PSD3: variants seen among roughly 807,000 people sequenced by gnomAD.
PSD3 encodes pleckstrin and Sec7 domain containing 3, also known as PH and SEC7 domain-containing protein 3.
Under a neutral mutation model 105.5 loss-of-function variants are expected in PSD3, and 49 were observed. The observed-to-expected ratio is 0.46, with a 90% CI of 0.37 to 0.59. The LOEUF (loss-of-function observed/expected upper bound fraction) is 0.59, where lower values mean the gene tolerates loss of function less well. Among genes scored for constraint, PSD3 ranks in the 20% least tolerant of loss-of-function variants. The probability of loss-of-function intolerance (pLI) is 0.00; values close to 1 mark genes in which losing one functional copy is unlikely to be tolerated. For synonymous variants in PSD3, 557 were observed against 457.8 expected (o/e 1.22, Z -2.77); for missense variants, 1,561 against 1,263.8 (o/e 1.24, Z -3.57).
chr8:18,663,951 T>C (rs1354200147), intron 9 of PSD3, among the ~76,000 whole-genome samples: 2 of 152,234 alleles, frequency 1.3e-5, no homozygotes, highest in African/African-American at 2.4e-5. Flanking sequence ...TTATTATATT[T>C]GCTATGGTAA....
intron 15 of PSD3, among the ~76,000 whole-genome samples, chr8:18,551,689 A>C (rs367649073): frequency 6.6e-6 from 1 of 152,206 alleles, no homozygotes; most frequent in South Asian, 2.1e-4. Context: ...TATTCAGCTG[A>C]ATTCAAGCCC....
At chr8:18,742,828 T>C (rs916470266) in intron 9 of PSD3, among the ~76,000 whole-genome samples, 7 of 152,186 alleles carry the variant, frequency 4.6e-5, no homozygotes, top group Admixed American at 2.6e-4. Flanking sequence ...TACCCATCCT[T>C]ACCTAGGTTA....
chr8:18,838,247 G>C lies in PSD3; in HGVS notation c.1634+29427C>G, dbSNP rs532628163. On this transcript the variant is annotated intron_variant, in intron 4 of 15. Coordinates refer to ENST00000327040, the MANE Select transcript of PSD3 (RefSeq NM_015310.4). ...CTTCAGTTCTGATTTCATGTAGAGC[G>C]ATGGCTTTATGTGATCAAGAAACAT... 1.2e-4 allele frequency among the ~76,000 whole-genome samples: 19 copies of C among 152,134 alleles called. 1 individual carries two copies. Among genetic ancestry groups the C allele is most frequent in the Non-Finnish European group, 2.9e-5 (2 of 68,040 alleles).
chr8:18,738,990 G>A (rs1270715823), intron 9 of PSD3, among the ~76,000 whole-genome samples: 1 of 151,912 alleles, frequency 6.6e-6, no homozygotes, highest in African/African-American at 2.4e-5. Context: ...AAGAACCTTC[G>A]GCTCTTAGGT....
intron 13 of PSD3, among the ~76,000 whole-genome samples, chr8:18,573,537 A>G (rs1802278782): frequency 6.7e-6 from 1 of 148,518 alleles, no homozygotes. Flanking sequence ...TTCCTGAGTC[A>G]AAAAAGGGAA....
rs1345423514 is a variant in PSD3 at position 18,949,244 on chromosome 8, A to AAATAT, written c.22-13103_22-13102insATATT. 3.1e-3 allele frequency among the ~76,000 whole-genome samples: 45 copies of AAATAT among 14,408 alleles called. 3 individuals carry two copies. The highest frequency in any genetic ancestry group is 4.3e-3 in the Non-Finnish European group (24 of 5,542). 9.5% of individuals were successfully genotyped at this position (14,408 alleles called of 152,430 possible). On this transcript the variant is annotated intron_variant, in intron 1 of 15. Coordinates refer to ENST00000327040, the MANE Select transcript of PSD3 (RefSeq NM_015310.4). ...CTCAAAAAAAAAAAAAAAAAAAAAA[A>AAATAT]ATATATATATATATATATATATATA...
chr8:18,776,858 G>C (rs1453424259), intron 8 of PSD3, among the ~76,000 whole-genome samples: 1 of 152,046 alleles, frequency 6.6e-6, no homozygotes, highest in East Asian at 1.9e-4. Flanking sequence ...TTGGTAGTTT[G>C]TATGTTTCTA....
chr8:18,702,647 C>G (rs886824628), intron 9 of PSD3, among the ~76,000 whole-genome samples: 2 of 151,786 alleles, frequency 1.3e-5, no homozygotes, highest in African/African-American at 4.9e-5. Flanking sequence ...GAATCTCGCT[C>G]TGTTGCCCAG....
intron 14 of PSD3, among the ~76,000 whole-genome samples, chr8:18,563,109 AG>A (rs1801502945): frequency 6.6e-6 from 1 of 152,216 alleles, no homozygotes; most frequent in Non-Finnish European, 1.5e-5. Flanking sequence ...AAGGCAAAAA[AG>A]GTCACTTTTT....
At chr8:18,667,264 G>A (rs1018462550) in intron 9 of PSD3, among the ~76,000 whole-genome samples, 1 of 152,100 alleles carries the variant, frequency 6.6e-6, no homozygotes, top group Non-Finnish European at 1.5e-5. Context: ...GTGCTGACTG[G>A]TGCATTTACA....
At chr8:18,638,680 T>C (rs1232749671) in intron 10 of PSD3, among the ~76,000 whole-genome samples, 2 of 152,190 alleles carry the variant, frequency 1.3e-5, no homozygotes, top group African/African-American at 2.4e-5. Flanking sequence ...AGAATTAATA[T>C]TGTTAAAATA....
At chr8:18,540,973 C>T (rs534128469) in intron 15 of PSD3, among the ~76,000 whole-genome samples, 257 of 152,084 alleles carry the variant, frequency 1.7e-3, no homozygotes, top group Non-Finnish European at 2.1e-3. Flanking sequence ...CCAAAAAGCT[C>T]TTCTTCCAAA....
At chr8:18,963,050 A>C (rs1824019506) in intron 1 of PSD3, among the ~76,000 whole-genome samples, 1 of 152,234 alleles carries the variant, frequency 6.6e-6, no homozygotes, top group East Asian at 1.9e-4. Context: ...GGGAGGTCTC[A>C]GAATCATGGT....
chr8:18,644,970 C>T (rs1240249980), intron 10 of PSD3, among the ~76,000 whole-genome samples: 5 of 152,220 alleles, frequency 3.3e-5, no homozygotes, highest in African/African-American at 1.2e-4. Context: ...CACCTGCTCT[C>T]TTGTGCTTTG....
At position 18,594,139 on chromosome 8, in the gene PSD3, T is replaced by TATATTATATAATATATATTATTATATAC. The variant is rs1563358146; in HGVS notation, c.2481+6197_2481+6224dup. 9.1e-4 allele frequency among the ~76,000 whole-genome samples: 28 copies of TATATTATATAATATATATTATTATATAC among 30,794 alleles called. 1 individual carries two copies. Among genetic ancestry groups the TATATTATATAATATATATTATTATATAC allele is most frequent in the East Asian group, 2.1e-3 (3 of 1,462 alleles). 20.2% of individuals were successfully genotyped at this position (30,794 alleles called of 152,430 possible). A position where few individuals can be genotyped will look rare whatever the true frequency, so the allele number is the denominator to read the frequency against. ...AAAGTATAATAATATATATTATATA[T>TATATTATATAATATATATTATTATATAC]ATATTATATAATATATATTATTATA... On this transcript the variant is annotated intron_variant, in intron 12 of 15. Coordinates refer to ENST00000327040, the MANE Select transcript of PSD3 (RefSeq NM_015310.4).
intron 2 of PSD3, among the ~76,000 whole-genome samples, chr8:18,888,084 C>T (rs6994718): frequency 0.016 from 2,396 of 152,268 alleles, 61 homozygotes; most frequent in African/African-American, 0.055. Context: ...AGCTAAAGTG[C>T]CTCCAGGGGG....
chr8:18,802,875 T>C (rs1298669776), intron 6 of PSD3, among the ~76,000 whole-genome samples: 2 of 152,222 alleles, frequency 1.3e-5, no homozygotes, highest in Non-Finnish European at 2.9e-5. Flanking sequence ...GACACCTTCA[T>C]TTGAAAAGGT....
intron 9 of PSD3, among the ~76,000 whole-genome samples, chr8:18,662,645 A>T (rs1809439625): frequency 2.0e-5 from 3 of 152,188 alleles, no homozygotes; most frequent in African/African-American, 7.2e-5. Context: ...AGAGGGCTGC[A>T]TAAAGTTAGT....
chr8:19,035,934 T>C (rs1827928572), intron 1 of PSD3, among the ~76,000 whole-genome samples: 1 of 152,022 alleles, frequency 6.6e-6, no homozygotes, highest in Admixed American at 6.6e-5. Context: ...TTTGTATTTT[T>C]AGTAGAGACA....
Sources: allele counts gnomAD v4.1 joint callset (sites outside exome capture counted in the v4.1 genomes callset), GRCh38; gene constraint gnomAD v4.1.1; transcripts MANE v1.5; gene names NCBI Gene and HGNC (gene_info 2026-07-23, HGNC 2026-07-21).